The following CD226 variants were observed in gnomAD, a reference collection of about 807,000 sequenced individuals.
CD226 encodes the protein CD226 molecule, also known as CD226 antigen.
In CD226, 24 loss-of-function variants were observed where a neutral mutation model predicts 34.9. The ratio of observed to expected loss-of-function variants is 0.69; its 90% CI spans 0.50 to 0.97. The LOEUF is 0.97. Ranked by LOEUF, CD226 falls within the 50% of genes least tolerant of loss-of-function variation. The pLI, the probability that CD226 is intolerant of heterozygous loss-of-function variation, is 0.00. For synonymous variants in CD226, 148 were observed against 147.4 expected (o/e 1.00, Z -0.03); for missense variants, 397 against 412.7 (o/e 0.96, Z 0.33).
Position 69,855,903 on chromosome 18 carries a change from A to G in CD226, c.*8411T>C, listed in dbSNP as rs1467579639. On this transcript the variant is annotated 3_prime_UTR_variant, in exon 6 of 6. Transcript: ENST00000582621. ...AAAAGATGAATGTTAGAGGTGACAG[A>G]TATCACGATTACCCAATATGATCAT... 2 of 152,154 alleles carry G rather than the reference A, an allele frequency of 1.3e-5. No homozygotes were observed. Among genetic ancestry groups the G allele is most frequent in the Non-Finnish European group, 1.5e-5 (1 of 68,000 alleles). The allele number at this position is 152,154 out of a possible 1,614,324, so 9.4% of individuals were successfully genotyped here.
intron 3 of CD226, 49 bp from the exon 4 acceptor site, chr18:69,873,295 A>G (rs895065349): frequency 2.2e-6 from 2 of 919,158 alleles, no homozygotes; most frequent in Admixed American, 2.0e-5. Flanking sequence ...AGCCAAAGGC[A>G]GTAAAAAGTA....
At chr18:69,908,838 A>G (rs114332341) in intron 2 of CD226, among the ~76,000 whole-genome samples, 2 of 152,182 alleles carry the variant, frequency 1.3e-5, no homozygotes, top group Non-Finnish European at 2.9e-5. Context: ...CAAGAACATT[A>G]TTCACCTTTA....
intron 2 of CD226, among the ~76,000 whole-genome samples, chr18:69,925,282 C>T (rs1169905369): frequency 6.6e-6 from 1 of 152,182 alleles, no homozygotes; most frequent in Non-Finnish European, 1.5e-5. Flanking sequence ...AGAGAATGTG[C>T]TGGGACAAGT....
At chr18:69,935,765 C>T (rs773265093) in intron 2 of CD226, among the ~76,000 whole-genome samples, 5 of 152,270 alleles carry the variant, frequency 3.3e-5, no homozygotes, top group Middle Eastern at 6.8e-3. Context: ...AATCAGTGTC[C>T]GAAGCTTCAG....
At chr18:69,945,201 A>C (rs180813247) in intron 2 of CD226, among the ~76,000 whole-genome samples, 2 of 152,202 alleles carry the variant, frequency 1.3e-5, no homozygotes, top group Non-Finnish European at 2.9e-5. Context: ...TTGGATCACA[A>C]GCATAGGAAA....
chr18:69,907,529 C>T (rs1376427001), intron 2 of CD226, among the ~76,000 whole-genome samples: 6 of 152,146 alleles, frequency 3.9e-5, no homozygotes, highest in South Asian at 2.1e-4. Context: ...AGGCTGGTCT[C>T]GAACTCCTGA....
In CD226 at chr18:69,856,954, G is replaced by A. The variant is rs879573217; in HGVS notation, c.*7360C>T. 2.0e-4 allele frequency: 30 copies of A among 152,348 alleles called. No individual in the cohort carries two copies. The highest frequency in any genetic ancestry group is 7.0e-4 in the African/African-American group (29 of 41,570). The allele number at this position is 152,348 out of a possible 1,614,324, so 9.4% of individuals were successfully genotyped here. On this transcript the variant is annotated 3_prime_UTR_variant, in exon 6 of 6. Transcript: ENST00000582621. Reference sequence around the variant, plus strand: ...GAGGCCGAGGCGGGCGGATCACGAGGTCAGGAGATCGAGACCACCCTGGCT... The same window carrying A: ...GAGGCCGAGGCGGGCGGATCACGAGATCAGGAGATCGAGACCACCCTGGCT...
chr18:69,933,519 C>T (rs1371798136), intron 2 of CD226, among the ~76,000 whole-genome samples: 1 of 152,224 alleles, frequency 6.6e-6, no homozygotes, highest in African/African-American at 2.4e-5. Context: ...ACTCCCCAAA[C>T]CTTGCTTTAA....
chr18:69,899,063 T>G (rs533530127), intron 2 of CD226, among the ~76,000 whole-genome samples: 2 of 152,364 alleles, frequency 1.3e-5, no homozygotes, highest in East Asian at 3.9e-4. Context: ...CCCATGATTT[T>G]TATTGCAGGA....
In CD226 at chr18:69,861,566, A is replaced by G. The variant is rs1982831861; in HGVS notation, c.*2748T>C. On this transcript the variant is annotated 3_prime_UTR_variant, in exon 6 of 6. Transcript: ENST00000582621. Reference sequence around the variant, plus strand: ...TGTATATATATATGTATATATATATATATATATGTAAAACTTAAGAAGCAT... The same window carrying G: ...TGTATATATATATGTATATATATATGTATATATGTAAAACTTAAGAAGCAT... 1 of 146,022 alleles carries G rather than the reference A, an allele frequency of 6.8e-6. No homozygotes were observed. Among genetic ancestry groups the G allele is most frequent in the African/African-American group, 2.5e-5 (1 of 40,426 alleles). 9.0% of individuals were successfully genotyped at this position (146,022 alleles called of 1,614,324 possible). A position where few individuals can be genotyped will look rare whatever the true frequency, so the allele number is the denominator to read the frequency against.
At chr18:69,889,287 A>G (rs891988991) in intron 3 of CD226, among the ~76,000 whole-genome samples, 3 of 152,160 alleles carry the variant, frequency 2.0e-5, no homozygotes, top group Non-Finnish European at 4.4e-5. Flanking sequence ...GCTCCATCAT[A>G]TAAATTAACT....
chr18:69,949,647 A>C (rs1194932926), upstream of CD226, among the ~76,000 whole-genome samples: 3 of 152,120 alleles, frequency 2.0e-5, no homozygotes, highest in Non-Finnish European at 2.9e-5. Context: ...GCATGAACCC[A>C]CACATGCTGT....
At chr18:69,873,634 T>G (rs766596248) in intron 3 of CD226, among the ~76,000 whole-genome samples, 15 of 148,200 alleles carry the variant, frequency 1.0e-4, no homozygotes, top group Non-Finnish European at 2.1e-4. Flanking sequence ...ATCACAGAGG[T>G]TTAGGAGAGG....
At position 69,947,085 on chromosome 18, in the gene CD226, T is replaced by C. The variant is rs758103679; in HGVS notation, c.47-16A>G. The C allele has an allele frequency of 2.0e-5, 32 of 1,587,596 alleles. No individual in the cohort carries two copies. The highest frequency in any genetic ancestry group is 2.6e-5 in the Non-Finnish European group (30 of 1,157,590). On this transcript the variant is annotated splice_polypyrimidine_tract_variant and intron_variant, in intron 1 of 5. Transcript: ENST00000582621. ...TCACATAGAGCTGAAATATACAACATCACATTAATTGTTAGCCTTGATGAT... is the reference window on the plus strand; with the variant it reads ...TCACATAGAGCTGAAATATACAACACCACATTAATTGTTAGCCTTGATGAT...
intron 5 of CD226, among the ~76,000 whole-genome samples, chr18:69,865,058 T>A (rs1568153391): frequency 6.6e-6 from 1 of 152,144 alleles, no homozygotes; most frequent in Non-Finnish European, 1.5e-5. Context: ...AGTGGCGCAA[T>A]CTAGGCTCAC....
At chr18:69,928,543 A>G (rs2055551587) in intron 2 of CD226, among the ~76,000 whole-genome samples, 1 of 152,186 alleles carries the variant, frequency 6.6e-6, no homozygotes, top group Admixed American at 6.5e-5. Context: ...GGGGTGGGAC[A>G]ATGTTTCCTT....
chr18:69,901,446 G>A (rs1016286934), intron 2 of CD226, among the ~76,000 whole-genome samples: 1 of 152,212 alleles, frequency 6.6e-6, no homozygotes, highest in Non-Finnish European at 1.5e-5. Flanking sequence ...AAGGGAAAGA[G>A]AGAGTGTGAG....
rs759039397 is a variant in CD226, at chr18:69,909,095, TTTTA to T, written c.383-13054_383-13051del. Among the ~76,000 whole-genome samples, 14 of 152,358 alleles carry T rather than the reference TTTTA, an allele frequency of 9.2e-5. No homozygotes were observed. In the South Asian group the frequency reaches 2.5e-3, roughly 27 times the overall value. ...TACCTCTACCTTCTATTGTGTTGTT[TTTTA>T]TTTGTTGTCATTTACTTCCTGCCCT... On this transcript the variant is annotated intron_variant, in intron 2 of 5. Coordinates refer to ENST00000582621, the MANE Select transcript of CD226 (RefSeq NM_001303618.2).
chr18:69,958,945 T>C (rs568843919), upstream of CD226, among the ~76,000 whole-genome samples: 6 of 152,316 alleles, frequency 3.9e-5, no homozygotes, highest in East Asian at 1.2e-3. Context: ...TGTTTCTCTG[T>C]AGAGGTTTAT....
Sources: allele counts gnomAD v4.1 joint callset (sites outside exome capture counted in the v4.1 genomes callset), GRCh38; gene constraint gnomAD v4.1.1; transcripts MANE v1.5; gene names NCBI Gene and HGNC (gene_info 2026-07-23, HGNC 2026-07-21).